Variants in FOXP1 observed in about 807,000 individuals in gnomAD.
FOXP1 encodes forkhead box P1, also known as forkhead box protein P1.
In FOXP1, 15 loss-of-function variants were observed where a neutral mutation model predicts 98.2. The observed-to-expected ratio is 0.15, with a 90% CI of 0.10 to 0.24. The LOEUF is 0.24. FOXP1 is among the 10% of genes least tolerant of loss of function. The pLI is 1.00. For synonymous variants in FOXP1, 371 were observed against 314.5 expected (o/e 1.18, Z -1.90); for missense variants, 633 against 848.5 (o/e 0.75, Z 3.15).
chr3:71,581,238 A>G (rs1373785857), intron 2 of FOXP1: 2 of 985,362 alleles, frequency 2.0e-6, no homozygotes, highest in East Asian at 1.1e-4. Flanking sequence ...ATTAATAGTT[A>G]TAAGAGGGGA....
intron 7 of FOXP1, among the ~76,000 whole-genome samples, chr3:71,107,809 T>C (rs1182382934): frequency 6.6e-6 from 1 of 152,250 alleles, no homozygotes; most frequent in Non-Finnish European, 1.5e-5. Context: ...TAAGATTATA[T>C]GCGGCATTAA....
intron 4 of FOXP1, among the ~76,000 whole-genome samples, chr3:71,355,299 C>G (rs1428014512): frequency 6.6e-6 from 1 of 152,184 alleles, no homozygotes; most frequent in African/African-American, 2.4e-5. Context: ...CATGGAGAAG[C>G]CACACTGAAT....
intron 11 of FOXP1, among the ~76,000 whole-genome samples, chr3:71,029,885 C>A (rs548101632): frequency 6.6e-6 from 1 of 152,238 alleles, no homozygotes; most frequent in Admixed American, 6.5e-5. Context: ...ATAATACATG[C>A]TCAATACGTG....
intron 2 of FOXP1, chr3:71,570,836 G>A (rs1040884596): frequency 6.6e-6 from 1 of 152,216 alleles, no homozygotes; most frequent in Non-Finnish European, 1.5e-5. Flanking sequence ...GCCACTGCTG[G>A]AGCAGCAGAT....
intron 11 of FOXP1, among the ~76,000 whole-genome samples, chr3:71,023,740 G>T (rs1346075430): frequency 6.6e-6 from 1 of 152,178 alleles, no homozygotes; most frequent in Admixed American, 6.6e-5. Context: ...ATATTCTAGT[G>T]ATGAGGTCCT....
chr3:71,015,183 C>T (rs1178233748), intron 12 of FOXP1, among the ~76,000 whole-genome samples: 1 of 150,678 alleles, frequency 6.6e-6, no homozygotes, highest in African/African-American at 2.4e-5. Context: ...ACAACAACAA[C>T]AACAAAATTA....
At chr3:71,198,421 A>AGGGGGGGGGGGG in intron 5 of FOXP1, 29 bp from the exon 6 acceptor site, 1 of 388,030 alleles carries the variant, frequency 2.6e-6, no homozygotes, top group Non-Finnish European at 4.8e-6. Flanking sequence ...AGATGGGGGG[A>AGGGGGGGGGGGG]GGGAGGGGGG....
intron 13 of FOXP1, among the ~76,000 whole-genome samples, chr3:70,998,886 C>A (rs554079908): frequency 2.6e-5 from 4 of 152,168 alleles, no homozygotes; most frequent in African/African-American, 9.7e-5. Context: ...AAAATAAATG[C>A]TCACTTCTTG....
chr3:71,385,729 T>C (rs2080521573), intron 3 of FOXP1, among the ~76,000 whole-genome samples: 1 of 152,208 alleles, frequency 6.6e-6, no homozygotes, highest in African/African-American at 2.4e-5. Context: ...TACAAATCTG[T>C]CATCTCCAAT....
chr3:71,455,204 C>T (rs547531287), intron 3 of FOXP1, among the ~76,000 whole-genome samples: 1 of 152,062 alleles, frequency 6.6e-6, no homozygotes, highest in East Asian at 1.9e-4. Flanking sequence ...GACAGGCGGA[C>T]GTGGAAATAG....
chr3:71,416,608 C>T (rs546674418), intron 3 of FOXP1, among the ~76,000 whole-genome samples: 10 of 148,576 alleles, frequency 6.7e-5, no homozygotes, highest in African/African-American at 2.3e-4. Context: ...AAAAAAATGA[C>T]GTATGGTCAG....
intron 2 of FOXP1, among the ~76,000 whole-genome samples, chr3:71,560,310 T>A (rs1578180759): frequency 6.6e-6 from 1 of 152,170 alleles, no homozygotes; most frequent in South Asian, 2.1e-4. Flanking sequence ...CCTCACATCT[T>A]CCAGGCCTAG....
intron 5 of FOXP1, among the ~76,000 whole-genome samples, chr3:71,295,853 AC>A (rs1164417187): frequency 6.6e-6 from 1 of 152,214 alleles, no homozygotes; most frequent in East Asian, 1.9e-4. Flanking sequence ...TATAATTGTG[AC>A]CAGTGCATCC....
At chr3:71,544,027 A>T (rs1458578739) in intron 2 of FOXP1, among the ~76,000 whole-genome samples, 1 of 151,696 alleles carries the variant, frequency 6.6e-6, no homozygotes, top group East Asian at 1.9e-4. Flanking sequence ...ACACATATAC[A>T]CACATATACA....
intron 7 of FOXP1, among the ~76,000 whole-genome samples, chr3:71,073,965 G>T (rs1447870120): frequency 6.6e-6 from 1 of 152,128 alleles, no homozygotes; most frequent in Non-Finnish European, 1.5e-5. Flanking sequence ...GAGAGGTGCA[G>T]GAAATCCTCT....
intron 5 of FOXP1, among the ~76,000 whole-genome samples, chr3:71,280,814 G>A (rs912043044): frequency 9.9e-5 from 15 of 151,742 alleles, no homozygotes; most frequent in Non-Finnish European, 1.0e-4. Context: ...GTGAATTTAT[G>A]GTAATGTTTG....
intron 20 of FOXP1, among the ~76,000 whole-genome samples, chr3:70,964,180 C>A (rs150279681): frequency 6.6e-6 from 1 of 152,180 alleles, no homozygotes; most frequent in East Asian, 1.9e-4. Flanking sequence ...ATTTGAGCAA[C>A]GCATGTTGAC....
In FOXP1 at chr3:71,236,682, C is replaced by T. The variant is rs373419268; in HGVS notation, c.-11-38290G>A. Among the ~76,000 whole-genome samples the T allele has an allele frequency of 3.9e-5, 6 of 152,132 alleles. No individual in the cohort carries two copies. The South Asian group carries it at 8.3e-4, about 21-fold the overall frequency. ...CCCAGAAGTTGGAGACCAGCCTGGG[C>T]AACATCGGGAGACCTTATCTCCACA... On this transcript the variant is annotated intron_variant, in intron 5 of 20. Coordinates refer to ENST00000649528, the MANE Select transcript of FOXP1 (RefSeq NM_001349338.3).
chr3:71,326,785 G>A (rs1030641465), intron 4 of FOXP1, among the ~76,000 whole-genome samples: 5 of 152,194 alleles, frequency 3.3e-5, no homozygotes, highest in Non-Finnish European at 7.3e-5. Context: ...AAGAAAGGGT[G>A]TCAGAGTTGG....
Sources: allele counts gnomAD v4.1 joint callset (sites outside exome capture counted in the v4.1 genomes callset), GRCh38; gene constraint gnomAD v4.1.1; transcripts MANE v1.5; gene names NCBI Gene and HGNC (gene_info 2026-07-23, HGNC 2026-07-21).